The following LINGO2 variants were observed in gnomAD, a reference collection of about 807,000 sequenced individuals.
The protein encoded by LINGO2 is leucine-rich repeat and immunoglobulin-like domain-containing nogo receptor-interacting protein 2.
In LINGO2, 14 loss-of-function variants were observed where a neutral mutation model predicts 30.6. The ratio of observed to expected loss-of-function variants is 0.46; its 90% CI spans 0.30 to 0.72. The LOEUF (loss-of-function observed/expected upper bound fraction) is 0.72. Ranked by LOEUF, LINGO2 falls within the 30% of genes least tolerant of loss-of-function variation. LINGO2 has a pLI of 0.07. For synonymous variants in LINGO2, 317 were observed against 288.5 expected, an observed-to-expected ratio of 1.10 and a Z score of -1.00; for missense variants, 729 against 751.7, an observed-to-expected ratio of 0.97 and a Z score of 0.35.
chr9:28,289,482 CATACTT>C (rs1823640420), intron 4 of LINGO2, among the ~76,000 whole-genome samples: 1 of 152,108 alleles, frequency 6.6e-6, no homozygotes, highest in African/African-American at 2.4e-5. Flanking sequence ...GCATTTTCCC[CATACTT>C]ATGACTTATA....
intron 2 of LINGO2, among the ~76,000 whole-genome samples, chr9:28,376,717 T>A (rs1447742335): frequency 6.6e-6 from 1 of 152,204 alleles, no homozygotes; most frequent in African/African-American, 2.4e-5. Context: ...ATAAATTTCA[T>A]GCATGAAAAC....
chr9:27,988,625 C>T (rs186825723), intron 5 of LINGO2, among the ~76,000 whole-genome samples: 20 of 151,778 alleles, frequency 1.3e-4, no homozygotes, highest in African/African-American at 3.1e-4. Context: ...TCATGTCTGT[C>T]GGCTGCATAA....
chr9:28,506,516 A>ATAGATATATAGT (rs1214402598), intron 1 of LINGO2, among the ~76,000 whole-genome samples: 1 of 114,624 alleles, frequency 8.7e-6, no homozygotes, highest in Admixed American at 9.9e-5. Context: ...ATATATATAT[A>ATAGATATATAGT]TATATAAACT....
the LINGO2 span, among the ~76,000 whole-genome samples, chr9:28,677,973 C>T: frequency 1.3e-5 from 2 of 151,842 alleles, no homozygotes; most frequent in Admixed American, 6.6e-5. Flanking sequence ...CTGCCACCCC[C>T]ACTCCAAGCT....
chr9:29,112,687 C>T, the LINGO2 span, among the ~76,000 whole-genome samples: 1 of 152,188 alleles, frequency 6.6e-6, no homozygotes, highest in East Asian at 1.9e-4. Flanking sequence ...TACTCCATTC[C>T]TAATTAATAA....
chr9:28,556,138 C>T (rs1444513424), intron 1 of LINGO2, among the ~76,000 whole-genome samples: 1 of 151,964 alleles, frequency 6.6e-6, no homozygotes, highest in African/African-American at 2.4e-5. Context: ...GTTGGAAGTT[C>T]TGGCCAGGGC....
the LINGO2 span, among the ~76,000 whole-genome samples, chr9:29,110,344 G>C: frequency 2.6e-5 from 4 of 152,078 alleles, no homozygotes; most frequent in Non-Finnish European, 1.5e-5. Context: ...TTGTTTGTTT[G>C]TTTTTTGAGA....
the LINGO2 span, among the ~76,000 whole-genome samples, chr9:28,693,356 C>T: frequency 6.6e-6 from 1 of 152,146 alleles, no homozygotes; most frequent in Non-Finnish European, 1.5e-5. Flanking sequence ...ACTGATACTT[C>T]ATTCATTCAG....
chr9:28,147,301 A>T lies in LINGO2; in HGVS notation c.-86-134896T>A, dbSNP rs1261081004. Among the ~76,000 whole-genome samples the T allele has an allele frequency of 3.3e-5, 5 of 152,222 alleles. No individual in the cohort carries two copies. Among genetic ancestry groups the T allele is most frequent in the Non-Finnish European group, 7.3e-5 (5 of 68,034 alleles). On this transcript the variant is annotated intron_variant, in intron 4 of 5. Coordinates refer to ENST00000379992, the Ensembl canonical transcript of LINGO2. This position sits in a 1 kb window ranked among gnomAD's most constrained non-coding sequence, Gnocchi z 4.7. ...CCTGGGTTCAAAGCCTGGCTGGGCC[A>T]TGACCACCTGAATGACCTGAGGAAT...
intron 3 of LINGO2, among the ~76,000 whole-genome samples, chr9:28,336,559 C>T (rs1241633166): frequency 1.3e-5 from 2 of 152,042 alleles, no homozygotes; most frequent in African/African-American, 4.8e-5. Context: ...ACACTTAGAT[C>T]TACAATCCAC....
chr9:28,066,010 A>G (rs1435814490), intron 4 of LINGO2, among the ~76,000 whole-genome samples: 3 of 152,058 alleles, frequency 2.0e-5, no homozygotes, highest in African/African-American at 7.2e-5. Context: ...AAGCTAGCCA[A>G]AGAGGTTTTC....
chr9:28,162,445 G>C (rs1445224094), intron 4 of LINGO2, among the ~76,000 whole-genome samples: 2 of 152,078 alleles, frequency 1.3e-5, no homozygotes, highest in Non-Finnish European at 2.9e-5. Context: ...ATTTGCACTA[G>C]ATCAGTCAAC....
At chr9:29,036,898 T>A in the LINGO2 span, among the ~76,000 whole-genome samples, 1 of 152,082 alleles carries the variant, frequency 6.6e-6, no homozygotes, top group South Asian at 2.1e-4. Context: ...TAAATTGTAC[T>A]TCCAATGAAA....
At chr9:28,330,934 G>A (rs1825396735) in intron 3 of LINGO2, among the ~76,000 whole-genome samples, 1 of 152,114 alleles carries the variant, frequency 6.6e-6, no homozygotes. Flanking sequence ...GAGACATGAA[G>A]ATCTGGTAGG....
intron 1 of LINGO2, among the ~76,000 whole-genome samples, chr9:28,493,519 T>C (rs1458579456): frequency 1.3e-5 from 2 of 152,224 alleles, no homozygotes; most frequent in African/African-American, 4.8e-5. Context: ...AAGTCTTTTC[T>C]AGCTGTTTCA....
At chr9:28,680,946 T>C in the LINGO2 span, among the ~76,000 whole-genome samples, 1 of 152,102 alleles carries the variant, frequency 6.6e-6, no homozygotes, top group African/African-American at 2.4e-5. Context: ...TTTTCAGTTT[T>C]ATATAACACC....
At chr9:28,386,896 T>TG (rs1205572987) in intron 2 of LINGO2, among the ~76,000 whole-genome samples, 15 of 152,202 alleles carry the variant, frequency 9.9e-5, no homozygotes, top group Non-Finnish European at 2.1e-4. Flanking sequence ...ACATTATTTC[T>TG]AATTTTTTAA....
At chr9:28,281,981 AC>A (rs1286436897) in intron 4 of LINGO2, among the ~76,000 whole-genome samples, 2 of 152,096 alleles carry the variant, frequency 1.3e-5, no homozygotes, top group Non-Finnish European at 2.9e-5. Flanking sequence ...TCTTTATAAC[AC>A]AAACATTGGG....
chr9:28,333,588 A>G (rs1478308244), intron 3 of LINGO2, among the ~76,000 whole-genome samples: 2 of 152,188 alleles, frequency 1.3e-5, no homozygotes, highest in Non-Finnish European at 2.9e-5. Context: ...AAAAATGTAC[A>G]TTGTTATTCA....
Sources: gnomAD v4.1 joint callset for allele counts (sites outside exome capture counted in the v4.1 genomes callset) on GRCh38, gnomAD v4.1.1 for gene constraint, Gnocchi (gnomAD v3.1) non-coding constraint, MANE v1.5 for transcripts, NCBI Gene and HGNC (gene_info 2026-07-23, HGNC 2026-07-21) for gene names.